Variants in SH3D19 observed in about 807,000 individuals in gnomAD.
SH3D19 encodes SH3 domain containing 19, also known as SH3 domain-containing protein 19.
In SH3D19, 58 loss-of-function variants were observed where a neutral mutation model predicts 112.1. That is an observed-to-expected ratio of 0.52 (90% confidence interval 0.42 to 0.64). The LOEUF is 0.64. Among genes scored for constraint, SH3D19 ranks in the 30% least tolerant of loss-of-function variants. SH3D19 has a pLI of 0.00. For missense variants in SH3D19, 1,090 were observed against 1,263.4 expected, an observed-to-expected ratio of 0.86 and a Z score of 2.08; for synonymous variants, 391 against 448.5, an observed-to-expected ratio of 0.87 and a Z score of 1.62.
chr4:151,174,901 T>G lies in SH3D19; in HGVS notation c.1303A>C (p.Thr435Pro), dbSNP rs762034734. The change falls in exon 7 of 20, where the codon ACC becomes CCC. Residue 435 changes from threonine to proline, a missense_variant. Coordinates refer to ENST00000604030, the MANE Select transcript of SH3D19 (RefSeq NM_001378122.1). The stretch of plus-strand genomic sequence containing the variant: ...GGTTTCAGTGGAGCTGAAGGGTAGG[T>G]GGGGTTTTCTGAGGAAACAGATTTC... ...LKKSVSSENPTYPSAPLKPVT... is the reference protein window; with the variant it reads ...LKKSVSSENPPYPSAPLKPVT... The G allele has an allele frequency of 6.2e-7, 1 of 1,612,896 alleles. No individual in the cohort carries two copies. The highest frequency in any genetic ancestry group is 8.5e-7 in the Non-Finnish European group (1 of 1,179,302).
At chr4:151,196,641 T>C (rs991624728) in intron 2 of SH3D19, among the ~76,000 whole-genome samples, 1 of 152,120 alleles carries the variant, frequency 6.6e-6, no homozygotes. Context: ...TCTATTTTTC[T>C]TGATGGGACT....
intron 2 of SH3D19, among the ~76,000 whole-genome samples, chr4:151,222,680 T>C (rs1450734308): frequency 1.4e-5 from 2 of 145,666 alleles, no homozygotes; most frequent in Non-Finnish European, 3.0e-5. Context: ...TTTTTTTTTT[T>C]TTTTTTTTTT....
At chr4:151,305,413 T>C (rs1214524833) in intron 1 of SH3D19, among the ~76,000 whole-genome samples, 1 of 152,212 alleles carries the variant, frequency 6.6e-6, no homozygotes, top group Non-Finnish European at 1.5e-5. Context: ...TATTTTCTCC[T>C]AGTCTGTAGC....
Position 151,133,093 on chromosome 4 carries a change from A to C in SH3D19, c.2630T>G (p.Phe877Cys). Residue 877 changes from phenylalanine (F) to cysteine (C), a missense_variant, in exon 16 of 20, where the codon TTC becomes TGC. Phe to Cys is a radical substitution (Grantham distance 205). Transcript: ENST00000604030. ...AACAGGCTCCACAAAGTTCAGGGGG[A>C]AAATCCCAGTTCTGCCTCGAACTTC... is the stretch of plus-strand genomic sequence containing the variant. The part of the protein sequence containing the change: ...RGEVRGRTGI[F>C]PLNFVEPVED... The C allele has an allele frequency of 6.2e-7, 1 of 1,614,082 alleles. No homozygotes were observed. Among genetic ancestry groups the C allele is most frequent in the Non-Finnish European group, 8.5e-7 (1 of 1,179,956 alleles).
chr4:151,265,569 C>CTTTT (rs763878307), intron 1 of SH3D19, among the ~76,000 whole-genome samples: 40 of 126,086 alleles, frequency 3.2e-4, no homozygotes, highest in African/African-American at 8.6e-4. Flanking sequence ...TATTTCTTTT[C>CTTTT]TTTTTTTTTT....
rs147048191 is a variant in SH3D19, at chr4:151,121,695, A to G, written c.*396T>C. 115 of 155,598 alleles carry G rather than the reference A, an allele frequency of 7.4e-4. 2 individuals carry two copies. Among genetic ancestry groups the G allele is most frequent in the Non-Finnish European group, 1.3e-3 (93 of 70,396 alleles). 9.6% of individuals were successfully genotyped at this position (155,598 alleles called of 1,614,324 possible). A position where few individuals can be genotyped will look rare whatever the true frequency, so the allele number is the denominator to read the frequency against. On this transcript the variant is annotated 3_prime_UTR_variant, in exon 20 of 20. Transcript: ENST00000604030. ...CCATGTCCTGATAGTTACAGCATGT[A>G]GAATATTAAATGTCCTCTTTTTTAA...
chr4:151,273,232 T>C (rs1219105303), intron 1 of SH3D19, among the ~76,000 whole-genome samples: 1 of 152,106 alleles, frequency 6.6e-6, no homozygotes, highest in East Asian at 1.9e-4. Flanking sequence ...GGAGAGATTC[T>C]GTGAGCAATC....
chr4:151,309,350 G>A (rs17590942), intron 1 of SH3D19, among the ~76,000 whole-genome samples: 86,193 of 152,060 alleles, frequency 0.57, 25,261 homozygotes, highest in African/African-American at 0.72. Context: ...ACTATAAAAC[G>A]ATACAGGAGT....
At chr4:151,258,695 G>A (rs1772132735) in intron 1 of SH3D19, among the ~76,000 whole-genome samples, 1 of 152,214 alleles carries the variant, frequency 6.6e-6, no homozygotes, top group Non-Finnish European at 1.5e-5. Context: ...TCCTGGAGCT[G>A]CACTTCTGAA....
chr4:151,247,779 T>A (rs987627381), intron 1 of SH3D19, among the ~76,000 whole-genome samples: 1 of 152,220 alleles, frequency 6.6e-6, no homozygotes, highest in Non-Finnish European at 1.5e-5. Context: ...AAATCTTGGA[T>A]GTATTGTATA....
chr4:151,173,765 G>A (rs1413912070), intron 7 of SH3D19, among the ~76,000 whole-genome samples: 4 of 152,188 alleles, frequency 2.6e-5, no homozygotes, highest in East Asian at 1.9e-4. Flanking sequence ...TGAAATCACA[G>A]AGCCTGTACT....
intron 1 of SH3D19, among the ~76,000 whole-genome samples, chr4:151,263,681 T>TAC (rs1409731761): frequency 1.1e-4 from 16 of 152,248 alleles, no homozygotes; most frequent in Non-Finnish European, 8.8e-5. Context: ...ATGTGCCTGT[T>TAC]ACCATTCATG....
At chr4:151,283,274 G>A (rs989713494) in intron 1 of SH3D19, 4 of 1,613,446 alleles carry the variant, frequency 2.5e-6, no homozygotes, top group Non-Finnish European at 3.4e-6. Context: ...AAAACATGAA[G>A]GATAGTTGCA....
chr4:151,250,839 A>G (rs897426109), intron 1 of SH3D19, among the ~76,000 whole-genome samples: 1 of 152,152 alleles, frequency 6.6e-6, no homozygotes, highest in African/African-American at 2.4e-5. Context: ...TTGTGAACCA[A>G]ATGGAAACCT....
chr4:151,274,421 C>T (rs147673702), intron 1 of SH3D19, among the ~76,000 whole-genome samples: 73 of 152,308 alleles, frequency 4.8e-4, no homozygotes, highest in Admixed American at 7.2e-4. Flanking sequence ...AGGGTACTTA[C>T]CCCAAGGACA....
At chr4:151,191,104 A>G (rs890029933) in intron 2 of SH3D19, among the ~76,000 whole-genome samples, 4 of 152,146 alleles carry the variant, frequency 2.6e-5, no homozygotes, top group Admixed American at 2.6e-4. Flanking sequence ...TGGATTTCAG[A>G]CTTGCATGGG....
chr4:151,245,146 A>AAAAATAAAATAAAAT (rs200539581), intron 1 of SH3D19, among the ~76,000 whole-genome samples: 5 of 149,904 alleles, frequency 3.3e-5, no homozygotes, highest in Non-Finnish European at 7.4e-5. Flanking sequence ...TCCATCTCAA[A>AAAAATAAAATAAAAT]AAAATAAAAT....
chr4:151,301,221 C>G (rs1264476254), intron 1 of SH3D19, among the ~76,000 whole-genome samples: 2 of 152,082 alleles, frequency 1.3e-5, no homozygotes, highest in Non-Finnish European at 2.9e-5. Flanking sequence ...CTCGTGAGAT[C>G]TGCTTGTTTT....
rs750863632 is a variant in SH3D19, at chr4:151,307,017, CTTT to C, written c.112+18221_112+18223del. Among the ~76,000 whole-genome samples, 11 of 122,896 alleles carry C rather than the reference CTTT, an allele frequency of 9.0e-5. No individual in the cohort carries two copies. The East Asian group carries it at 9.5e-4, about 11-fold the overall frequency. 80.6% of individuals were successfully genotyped at this position (122,896 alleles called of 152,430 possible). A position where few individuals can be genotyped will look rare whatever the true frequency, so the allele number is the denominator to read the frequency against. ...CTGCAATCACTCCTAATGATGACTT[CTTT>C]TTTTTTTTTTTTTTTTGAGACGGAG... is the stretch of plus-strand genomic sequence containing the variant. On this transcript the variant is annotated intron_variant, in intron 1 of 19. Transcript: ENST00000604030.
Sources: allele counts gnomAD v4.1 joint callset (sites outside exome capture counted in the v4.1 genomes callset), GRCh38; gene constraint gnomAD v4.1.1; transcripts MANE v1.5; gene names NCBI Gene and HGNC (gene_info 2026-07-23, HGNC 2026-07-21).